LHFPL5: variants seen among roughly 807,000 people sequenced by gnomAD.
LHFPL5 encodes LHFPL tetraspan subfamily member 5.
A neutral mutation model predicts 18.7 loss-of-function variants in LHFPL5; 12 were observed. The observed-to-expected ratio is 0.64, with a 90% CI of 0.41 to 1.04. LHFPL5 has a LOEUF of 1.04. LHFPL5 is among the 50% of genes least tolerant of loss of function. LHFPL5 has a pLI of 0.00. For missense variants in LHFPL5, 259 were observed against 292.1 expected (o/e 0.89, Z 0.83); for synonymous variants, 111 against 120.2 (o/e 0.92, Z 0.50).
chr6:35,805,558 C>A lies in LHFPL5; in HGVS notation c.-113C>A. ...GAAGGGACCTCACCTGGTGCCCTGA[C>A]CTCAGCCTCCTCCCCAAACCCCGCT... On this transcript the variant is annotated 5_prime_UTR_variant, in exon 1 of 4. Transcript: ENST00000360215. The surrounding 1 kb of genome is among the most constrained non-coding windows in gnomAD (Gnocchi z 4.3). 4 of 1,107,864 alleles carry A rather than the reference C, an allele frequency of 3.6e-6. No homozygotes were observed. Among genetic ancestry groups the A allele is most frequent in the Non-Finnish European group, 5.4e-6 (4 of 744,394 alleles). 68.6% of individuals were successfully genotyped at this position (1,107,864 alleles called of 1,614,324 possible).
chr6:35,823,565 T>C lies in LHFPL5; in HGVS notation c.*600T>C, dbSNP rs1426114664. ...GGCTGGACATGTGCTGGGTCATTTT[T>C]AGGGTGAGGTGTAGGGGGTCTTTTG... On this transcript the variant is annotated 3_prime_UTR_variant, in exon 4 of 4. Transcript: ENST00000360215. 1 of 151,928 alleles carries C rather than the reference T, an allele frequency of 6.6e-6. No individual in the cohort carries two copies. The highest frequency in any genetic ancestry group is 1.5e-5 in the Non-Finnish European group (1 of 68,050). The allele number at this position is 151,928 out of a possible 1,614,324, so 9.4% of individuals were successfully genotyped here.
chr6:35,805,880 T>TAA lies in LHFPL5; in HGVS notation c.211_212dup (p.Asn71LysfsTer15). 1 of 1,614,202 alleles carries TAA rather than the reference T, an allele frequency of 6.2e-7. No homozygotes were observed. The highest frequency in any genetic ancestry group is 8.5e-7 in the Non-Finnish European group (1 of 1,180,014). ...TCGGCCTTTTCTCCTACTGCGTGGG[T>TAA]AACGTGCTGTCCTCCGAGCTCATCT... On this transcript the variant is annotated frameshift_variant, in exon 1 of 4. Transcript: ENST00000360215. LOFTEE classifies it high-confidence loss of function. The surrounding 1 kb of genome is among the most constrained non-coding windows in gnomAD (Gnocchi z 4.3).
intron 3 of LHFPL5, among the ~76,000 whole-genome samples, chr6:35,820,316 TA>T (rs1303105754): frequency 1.3e-5 from 2 of 152,158 alleles, no homozygotes; most frequent in African/African-American, 4.8e-5. Context: ...ATGTCTGGTT[TA>T]AAAAGAAGCG....
At chr6:35,819,656 C>G (rs1048995150) in intron 3 of LHFPL5, 193 bp downstream of exon 3, 2 of 623,704 alleles carry the variant, frequency 3.2e-6, no homozygotes, top group Middle Eastern at 4.3e-4. Context: ...GGGGAGCAAA[C>G]AGGAAGCCTT....
intron 1 of LHFPL5, among the ~76,000 whole-genome samples, chr6:35,809,954 C>G (rs1426262403): frequency 6.6e-6 from 1 of 152,212 alleles, no homozygotes; most frequent in Non-Finnish European, 1.5e-5. Flanking sequence ...AGGTAATTAG[C>G]ATATCCATCA....
rs1768561956 is a variant in LHFPL5 at position 35,805,953 on chromosome 6, A to G, written c.283A>G (p.Lys95Glu). ...CTCCTCCATCCCCTCTAGAGCCTTC[A>G]AGACTGCCATGTTCTTTGTGGCCTT... is the stretch of plus-strand genomic sequence containing the variant. ...DFSSIPSRAFKTAMFFVALGM... is the reference protein window; with the variant it reads ...DFSSIPSRAFETAMFFVALGM... Residue 95 changes from lysine to glutamate, a missense_variant, in exon 1 of 4, where the codon AAG becomes GAG. Transcript: ENST00000360215. This position sits in a 1 kb window ranked among gnomAD's most constrained non-coding sequence, Gnocchi z 4.3. The G allele has an allele frequency of 6.2e-7, 1 of 1,614,194 alleles. No homozygotes were observed. Among genetic ancestry groups the G allele is most frequent in the East Asian group, 2.2e-5 (1 of 44,878 alleles).
intron 3 of LHFPL5, among the ~76,000 whole-genome samples, chr6:35,821,489 G>GTATGTGTGTA (rs1171720083): frequency 1.5e-5 from 2 of 129,580 alleles, no homozygotes; most frequent in Non-Finnish European, 3.5e-5. Flanking sequence ...GTGTGTGTGT[G>GTATGTGTGTA]TGTGTTCTTG....
rs189905112 is a variant in LHFPL5, at chr6:35,808,595, A to G, written c.412+2513A>G. Among the ~76,000 whole-genome samples, 245 of 139,232 alleles carry G rather than the reference A, an allele frequency of 1.8e-3. 9 individuals carry two copies. The South Asian group carries it at 0.026, about 15-fold the overall frequency. 91.3% of individuals were successfully genotyped at this position (139,232 alleles called of 152,430 possible). A position where few individuals can be genotyped will look rare whatever the true frequency, so the allele number is the denominator to read the frequency against. ...TATATATATATATATATATATATAT[A>G]TATATATATATGAACAAAGGGAAAA... On this transcript the variant is annotated intron_variant, in intron 1 of 3. Coordinates refer to ENST00000360215, the MANE Select transcript of LHFPL5 (RefSeq NM_182548.4).
chr6:35,814,896 C>A lies in LHFPL5; in HGVS notation c.649+114C>A. The A allele has an allele frequency of 1.1e-6, 1 of 917,328 alleles. No individual in the cohort carries two copies. The allele number at this position is 917,328 out of a possible 1,614,324, so 56.8% of individuals were successfully genotyped here. On this transcript the variant is annotated intron_variant, in intron 2 of 3. Transcript: ENST00000360215. This position sits in a 1 kb window ranked among gnomAD's most constrained non-coding sequence, Gnocchi z 4.2. ...GTCCCTGGCCAAGGGATGGGGACAC[C>A]AAGACTAATCAGACACACCCCTTGT... is the stretch of plus-strand genomic sequence containing the variant.
rs567973682 is a variant in LHFPL5, at chr6:35,818,893, G to A, written c.650-544G>A. Among the ~76,000 whole-genome samples, 106 of 151,912 alleles carry A rather than the reference G, an allele frequency of 7.0e-4. 1 individual carries two copies. Among genetic ancestry groups the A allele is most frequent in the South Asian group, 2.1e-3 (10 of 4,810 alleles). ...ATCACCCGGGCTGGAGTGCAGTGGCGTGATCTGGGGTCACTGCAACCTCCG... is the reference window on the plus strand; with the variant it reads ...ATCACCCGGGCTGGAGTGCAGTGGCATGATCTGGGGTCACTGCAACCTCCG... On this transcript the variant is annotated intron_variant, in intron 2 of 3. Coordinates refer to ENST00000360215, the MANE Select transcript of LHFPL5 (RefSeq NM_182548.4).
intron 2 of LHFPL5, among the ~76,000 whole-genome samples, chr6:35,815,120 G>A (rs1768736402): frequency 6.6e-6 from 1 of 152,162 alleles, no homozygotes; most frequent in Admixed American, 6.5e-5. Context: ...ATTCCTGGAA[G>A]TTTGTTGGTG....
chr6:35,822,876 C>CCCAA (rs1768891743), intron 3 of LHFPL5, 106 bp from the exon 4 acceptor site: 1 of 152,212 alleles, frequency 6.6e-6, no homozygotes, highest in Admixed American at 6.5e-5. Context: ...TCCCAAAGTG[C>CCCAA]TGGGATTACA....
In LHFPL5 at chr6:35,823,992, C is replaced by A. The variant is rs1581978425; in HGVS notation, c.*1027C>A. The A allele has an allele frequency of 6.6e-6, 1 of 152,100 alleles. No homozygotes were observed. The highest frequency in any genetic ancestry group is 6.6e-5 in the Admixed American group (1 of 15,258). 9.4% of individuals were successfully genotyped at this position (152,100 alleles called of 1,614,324 possible). ...AAAATAGCGTAGTATTTGCATATAA[C>A]CTATGCACATCCTCCTGTATACTTT... On this transcript the variant is annotated 3_prime_UTR_variant, in exon 4 of 4. Coordinates refer to ENST00000360215, the MANE Select transcript of LHFPL5 (RefSeq NM_182548.4).
At chr6:35,808,308 T>G (rs1203210748) in intron 1 of LHFPL5, among the ~76,000 whole-genome samples, 1 of 145,906 alleles carries the variant, frequency 6.9e-6, no homozygotes, top group East Asian at 2.0e-4. Context: ...TATATATATA[T>G]ATATATAAAT....
intron 2 of LHFPL5, among the ~76,000 whole-genome samples, chr6:35,817,403 C>G (rs1768785932): frequency 1.3e-5 from 2 of 151,858 alleles, no homozygotes; most frequent in South Asian, 4.2e-4. Flanking sequence ...AAGACACCAT[C>G]AAGAAAGTAA....
At chr6:35,821,104 G>C (rs1246514941) in intron 3 of LHFPL5, among the ~76,000 whole-genome samples, 1 of 152,112 alleles carries the variant, frequency 6.6e-6, no homozygotes, top group Non-Finnish European at 1.5e-5. Flanking sequence ...AGGAGTTAGA[G>C]ACCAGCCTGG....
Position 35,805,477 on chromosome 6 carries a change from T to A in LHFPL5, c.-194T>A. 1 of 612,092 alleles carries A rather than the reference T, an allele frequency of 1.6e-6. No homozygotes were observed. The highest frequency in any genetic ancestry group is 2.9e-6 in the Non-Finnish European group (1 of 344,656). The allele number at this position is 612,092 out of a possible 1,614,324, so 37.9% of individuals were successfully genotyped here. A position where few individuals can be genotyped will look rare whatever the true frequency, so the allele number is the denominator to read the frequency against. ...GAGCGGACACAGGCACCTGGCAAGCTTTCCTTGACCAAATCAAGGTTGTCC... is the reference window on the plus strand; with the variant it reads ...GAGCGGACACAGGCACCTGGCAAGCATTCCTTGACCAAATCAAGGTTGTCC... On this transcript the variant is annotated 5_prime_UTR_variant, in exon 1 of 4. Coordinates refer to ENST00000360215, the MANE Select transcript of LHFPL5 (RefSeq NM_182548.4). The surrounding 1 kb of genome is among the most constrained non-coding windows in gnomAD (Gnocchi z 4.3).
rs1768551723 is a variant in LHFPL5, at chr6:35,805,412, G to A, written c.-259G>A. 2.0e-6 allele frequency: 1 copy of A among 511,620 alleles called. No individual in the cohort carries two copies. Among genetic ancestry groups the A allele is most frequent in the Admixed American group, 3.2e-5 (1 of 30,842 alleles). 31.7% of individuals were successfully genotyped at this position (511,620 alleles called of 1,614,324 possible). On this transcript the variant is annotated 5_prime_UTR_variant, in exon 1 of 4. Transcript: ENST00000360215. The surrounding 1 kb of genome is among the most constrained non-coding windows in gnomAD (Gnocchi z 4.3). The stretch of plus-strand genomic sequence containing the variant: ...AGGGCGGCGCCAGCAGGCCCTGGTG[G>A]GCTTGGGAGGAGGCAGGAGACTGGA...
At chr6:35,810,543 C>T (rs1465937697) in intron 1 of LHFPL5, among the ~76,000 whole-genome samples, 2 of 151,784 alleles carry the variant, frequency 1.3e-5, no homozygotes, top group African/African-American at 2.4e-5. Context: ...AGTGACACCC[C>T]GTGTTACAAA....
Sources: gnomAD v4.1 joint callset for allele counts (sites outside exome capture counted in the v4.1 genomes callset) on GRCh38, gnomAD v4.1.1 for gene constraint, Gnocchi (gnomAD v3.1) non-coding constraint, MANE v1.5 for transcripts, NCBI Gene and HGNC (gene_info 2026-07-23, HGNC 2026-07-21) for gene names.